The following CDH13 variants were observed in gnomAD, a reference collection of about 807,000 sequenced individuals.
CDH13 encodes the protein cadherin-13.
A neutral mutation model predicts 63.8 loss-of-function variants in CDH13; 24 were observed. That is an observed-to-expected ratio of 0.38 (90% CI 0.27 to 0.53). The LOEUF (loss-of-function observed/expected upper bound fraction) is 0.53, where lower values mean the gene tolerates loss of function less well. CDH13 is among the 20% of genes least tolerant of loss of function. The pLI, the probability that CDH13 is intolerant of heterozygous loss-of-function variation, is 0.85. For missense variants in CDH13, 1,049 were observed against 903.1 expected, an observed-to-expected ratio of 1.16 and a Z score of -2.07; for synonymous variants, 503 against 355.3, an observed-to-expected ratio of 1.42 and a Z score of -4.67.
At chr16:83,230,874 GA>G (rs1396735218) in intron 5 of CDH13, among the ~76,000 whole-genome samples, 5 of 152,220 alleles carry the variant, frequency 3.3e-5, no homozygotes, top group African/African-American at 4.8e-5. Context: ...GTCAGCCCAG[GA>G]AATCTGGGCC....
intron 4 of CDH13, chr16:83,171,538 T>A: frequency 6.5e-7 from 1 of 1,534,608 alleles, no homozygotes; most frequent in Non-Finnish European, 8.7e-7. Flanking sequence ...ATTTGGCAAG[T>A]TCTGTGCCTA....
At chr16:83,166,809 G>C (rs1017185260) in intron 4 of CDH13, among the ~76,000 whole-genome samples, 2 of 152,154 alleles carry the variant, frequency 1.3e-5, no homozygotes, top group South Asian at 2.1e-4. Context: ...ACAGAATGAG[G>C]TGTTCTTAGC....
At chr16:83,175,991 G>A (rs1382827245) in intron 4 of CDH13, among the ~76,000 whole-genome samples, 4 of 151,382 alleles carry the variant, frequency 2.6e-5, no homozygotes, top group Admixed American at 2.6e-4. Context: ...ACAATGCCTG[G>A]CTAATTTTTG....
At chr16:83,054,441 C>G (rs2030713187) in intron 3 of CDH13, among the ~76,000 whole-genome samples, 1 of 152,178 alleles carries the variant, frequency 6.6e-6, no homozygotes, top group South Asian at 2.1e-4. Context: ...GTTGACATAA[C>G]TACACAGCTA....
At chr16:83,335,610 A>C (rs1454431341) in intron 5 of CDH13, among the ~76,000 whole-genome samples, 1 of 152,172 alleles carries the variant, frequency 6.6e-6, no homozygotes. Flanking sequence ...GCAGAAATGA[A>C]ATCCGCAAGC....
intron 1 of CDH13, among the ~76,000 whole-genome samples, chr16:82,673,182 C>T (rs1002907878): frequency 2.0e-5 from 3 of 151,626 alleles, no homozygotes; most frequent in Non-Finnish European, 2.9e-5. Context: ...CATCAGTGTT[C>T]GACGAAGCCC....
chr16:83,672,188 GGTT>G (rs1214193381), intron 9 of CDH13, among the ~76,000 whole-genome samples: 1 of 152,024 alleles, frequency 6.6e-6, no homozygotes, highest in Non-Finnish European at 1.5e-5. Context: ...TCCCTCTTAG[GGTT>G]GTTGTTGTAA....
chr16:83,781,990 G>C (rs1915559235), intron 12 of CDH13, among the ~76,000 whole-genome samples: 2 of 151,904 alleles, frequency 1.3e-5, no homozygotes, highest in African/African-American at 4.8e-5. Flanking sequence ...ATGGGAAAAT[G>C]CTGTTTGATT....
At chr16:82,688,471 G>T (rs1915307951) in intron 1 of CDH13, among the ~76,000 whole-genome samples, 1 of 152,212 alleles carries the variant, frequency 6.6e-6, no homozygotes, top group African/African-American at 2.4e-5. Flanking sequence ...CACCATTCAA[G>T]ACTCTGAAGT....
intron 1 of CDH13, among the ~76,000 whole-genome samples, chr16:82,750,516 G>C (rs993608446): frequency 6.6e-6 from 1 of 152,200 alleles, no homozygotes; most frequent in Non-Finnish European, 1.5e-5. Flanking sequence ...CTGAATGTTA[G>C]TACCAGACTA....
At chr16:82,797,921 C>G (rs1017831932) in intron 1 of CDH13, among the ~76,000 whole-genome samples, 7 of 152,048 alleles carry the variant, frequency 4.6e-5, no homozygotes, top group African/African-American at 1.4e-4. Flanking sequence ...GCAATATGTC[C>G]TTACTACTGG....
rs1007706545 is a variant in CDH13, at chr16:82,860,386, TGTGG to T, written c.157+1915_157+1918del. On this transcript the variant is annotated intron_variant, in intron 2 of 13. Coordinates refer to ENST00000567109, the MANE Select transcript of CDH13 (RefSeq NM_001257.5). ...GCAGTATCACAGTTGTGTGTGTGTGTGTGGGGGGGGGGGCGGCGGTGTGCGTGTG... is the reference window on the plus strand; with the variant it reads ...GCAGTATCACAGTTGTGTGTGTGTGTGGGGGGGGGCGGCGGTGTGCGTGTG... Among the ~76,000 whole-genome samples, 9 of 31,246 alleles carry T rather than the reference TGTGG, an allele frequency of 2.9e-4. 1 individual carries two copies. The highest frequency in any genetic ancestry group is 4.0e-4 in the Non-Finnish European group (7 of 17,518). 20.5% of individuals were successfully genotyped at this position (31,246 alleles called of 152,430 possible).
chr16:83,219,341 A>G (rs2039630044), intron 5 of CDH13, among the ~76,000 whole-genome samples: 1 of 152,194 alleles, frequency 6.6e-6, no homozygotes, highest in Non-Finnish European at 1.5e-5. Context: ...ATATAATATT[A>G]CGGTAGTTAA....
chr16:83,652,272 G>C (rs1598417110), intron 8 of CDH13, among the ~76,000 whole-genome samples: 1 of 152,356 alleles, frequency 6.6e-6, no homozygotes, highest in Admixed American at 6.5e-5. Flanking sequence ...TTCCGTGTAT[G>C]AATTTATACA....
At chr16:82,984,186 A>T (rs537739250) in intron 2 of CDH13, among the ~76,000 whole-genome samples, 1 of 152,226 alleles carries the variant, frequency 6.6e-6, no homozygotes, top group Admixed American at 6.5e-5. Context: ...AGGAACCTGG[A>T]TAAAACTCTA....
intron 2 of CDH13, among the ~76,000 whole-genome samples, chr16:82,936,735 A>C (rs949722642): frequency 1.3e-5 from 2 of 152,216 alleles, no homozygotes; most frequent in African/African-American, 4.8e-5. Context: ...ATGTTGGACG[A>C]GCACTGTGAG....
At chr16:82,646,508 T>G (rs184288376) in intron 1 of CDH13, among the ~76,000 whole-genome samples, 1 of 152,264 alleles carries the variant, frequency 6.6e-6, no homozygotes, top group African/African-American at 2.4e-5. Flanking sequence ...CACATGACTT[T>G]TAATTTACTG....
chr16:83,493,143 A>C (rs1297766140), intron 7 of CDH13, among the ~76,000 whole-genome samples: 1 of 152,230 alleles, frequency 6.6e-6, no homozygotes, highest in African/African-American at 2.4e-5. Flanking sequence ...AATTCAAATA[A>C]GATGTGCCAA....
rs561914565 is a variant in CDH13 at position 83,583,484 on chromosome 16, C to T, written c.961-18970C>T. ...TATTCTGTAGTTTTAACTGTAATAGCTTCCACTTGCTGATTTTGTTCTGTG... is the reference window on the plus strand; with the variant it reads ...TATTCTGTAGTTTTAACTGTAATAGTTTCCACTTGCTGATTTTGTTCTGTG... On this transcript the variant is annotated intron_variant, in intron 7 of 13. Transcript: ENST00000567109. Among the ~76,000 whole-genome samples, 8 of 152,340 alleles carry T rather than the reference C, an allele frequency of 5.3e-5. No individual in the cohort carries two copies. In the East Asian group the frequency reaches 1.3e-3, roughly 26 times the overall value.
Sources: gnomAD v4.1 joint callset for allele counts (sites outside exome capture counted in the v4.1 genomes callset) on GRCh38, gnomAD v4.1.1 for gene constraint, MANE v1.5 for transcripts, NCBI Gene and HGNC (gene_info 2026-07-23, HGNC 2026-07-21) for gene names.